NRG1: variants seen among roughly 807,000 people sequenced by gnomAD.
The protein encoded by NRG1 is pro-neuregulin-1, membrane-bound isoform.
A neutral mutation model predicts 63.8 loss-of-function variants in NRG1; 18 were observed. The ratio of observed to expected loss-of-function variants is 0.28; its 90% confidence interval spans 0.19 to 0.42. NRG1 has a LOEUF of 0.42. Among genes scored for constraint, NRG1 ranks in the 10% least tolerant of loss-of-function variants. NRG1 has a pLI of 1.00. For synonymous variants in NRG1, 302 were observed against 301.3 expected (o/e 1.00, Z -0.02); for missense variants, 762 against 814.7 (o/e 0.94, Z 0.79).
intron 1 of NRG1, among the ~76,000 whole-genome samples, chr8:32,512,129 A>G (rs1286416931): frequency 1.3e-5 from 2 of 149,338 alleles, no homozygotes; most frequent in African/African-American, 4.9e-5. Context: ...ATGGTCCTTT[A>G]TGGGGGATGA....
intron 1 of NRG1, among the ~76,000 whole-genome samples, chr8:32,045,919 A>ACG (rs1820923440): frequency 6.6e-6 from 1 of 151,832 alleles, no homozygotes; most frequent in Non-Finnish European, 1.5e-5. Flanking sequence ...AAGAAAATAT[A>ACG]TGTATATATT....
chr8:31,762,899 T>C (rs1817695562), intron 1 of NRG1, among the ~76,000 whole-genome samples: 1 of 152,132 alleles, frequency 6.6e-6, no homozygotes, highest in Non-Finnish European at 1.5e-5. Flanking sequence ...AGAAAAGAAA[T>C]CATGGACCAA....
intron 1 of NRG1, among the ~76,000 whole-genome samples, chr8:31,854,022 TA>T (rs1364501206): frequency 6.7e-6 from 1 of 150,094 alleles, no homozygotes; most frequent in African/African-American, 2.5e-5. Context: ...GCCAGTATTT[TA>T]TTGAGGATTT....
intron 1 of NRG1, among the ~76,000 whole-genome samples, chr8:32,025,915 C>T (rs113232538): frequency 9.4e-5 from 13 of 138,622 alleles, no homozygotes; most frequent in African/African-American, 2.9e-4. Context: ...CGCTGCATTA[C>T]GGCCTGGCCG....
chr8:32,370,624 G>A (rs1194488755), intron 1 of NRG1, among the ~76,000 whole-genome samples: 1 of 152,042 alleles, frequency 6.6e-6, no homozygotes, highest in Non-Finnish European at 1.5e-5. Flanking sequence ...TTGGGAGACC[G>A]AAGCAGGTGG....
Position 31,866,477 on chromosome 8 carries a change from G to T in NRG1, c.37+227046G>T, listed in dbSNP as rs571508262. On this transcript the variant is annotated intron_variant, in intron 1 of 10. Coordinates refer to the NRG1 transcript ENST00000519301. Reference sequence around the variant, plus strand: ...GGGGCAAAGAAGAGGGATACAATTTGTTGACTTTCATTGCTACATTTTTGG... The same window carrying T: ...GGGGCAAAGAAGAGGGATACAATTTTTTGACTTTCATTGCTACATTTTTGG... Among the ~76,000 whole-genome samples, 22 of 152,204 alleles carry T rather than the reference G, an allele frequency of 1.4e-4. No individual in the cohort carries two copies. In the South Asian group the frequency reaches 4.6e-3, roughly 32 times the overall value.
intron 1 of NRG1, among the ~76,000 whole-genome samples, chr8:32,116,932 A>C (rs527398867): frequency 2.5e-4 from 36 of 146,860 alleles, no homozygotes; most frequent in African/African-American, 9.2e-4. Context: ...GTTAGAGCCC[A>C]GGAGTTTGAA....
At chr8:31,988,297 A>G (rs1422529700) in intron 1 of NRG1, among the ~76,000 whole-genome samples, 1 of 152,130 alleles carries the variant, frequency 6.6e-6, no homozygotes, top group Non-Finnish European at 1.5e-5. Context: ...TTCGACCATA[A>G]CTAAAGAGAG....
chr8:32,250,182 T>A (rs1351041810), intron 1 of NRG1, among the ~76,000 whole-genome samples: 1 of 152,158 alleles, frequency 6.6e-6, no homozygotes, highest in African/African-American at 2.4e-5. Flanking sequence ...CTATATGAAA[T>A]GTTTACTGTT....
At chr8:31,732,006 T>A (rs1231170459) in intron 1 of NRG1, among the ~76,000 whole-genome samples, 3 of 152,212 alleles carry the variant, frequency 2.0e-5, no homozygotes, top group African/African-American at 7.2e-5. Flanking sequence ...TAATTCTTCA[T>A]CCTCTTTCTC....
At chr8:32,267,248 T>C (rs1851076934) in intron 1 of NRG1, among the ~76,000 whole-genome samples, 1 of 152,058 alleles carries the variant, frequency 6.6e-6, no homozygotes, top group South Asian at 2.1e-4. Context: ...TAATGTAAAA[T>C]GATGTGTCCC....
At chr8:32,176,284 G>A (rs1405747372) in intron 1 of NRG1, among the ~76,000 whole-genome samples, 6 of 152,164 alleles carry the variant, frequency 3.9e-5, no homozygotes, top group Non-Finnish European at 8.8e-5. Flanking sequence ...TATGTAGAAA[G>A]CTGAAACTGG....
chr8:31,987,739 C>A (rs4352804), intron 1 of NRG1, among the ~76,000 whole-genome samples: 2 of 151,856 alleles, frequency 1.3e-5, no homozygotes, highest in African/African-American at 4.8e-5. Context: ...GCCCCTGAAC[C>A]TAAAAGTTGG....
At chr8:32,450,081 G>A (rs1361199465) in intron 1 of NRG1, among the ~76,000 whole-genome samples, 1 of 152,142 alleles carries the variant, frequency 6.6e-6, no homozygotes, top group Non-Finnish European at 1.5e-5. Flanking sequence ...AACCCGGTGG[G>A]CAGGTAAATA....
At chr8:31,976,134 G>A (rs327417) in intron 1 of NRG1, among the ~76,000 whole-genome samples, 128,883 of 152,182 alleles carry the variant, frequency 0.85, 55,455 homozygotes, top group African/African-American at 0.96. Flanking sequence ...ATTAATATAG[G>A]CGTTTTGAGG....
At chr8:31,739,876 G>T (rs931828242) in intron 1 of NRG1, among the ~76,000 whole-genome samples, 1 of 152,026 alleles carries the variant, frequency 6.6e-6, no homozygotes, top group Non-Finnish European at 1.5e-5. Flanking sequence ...ATAAGGCAAT[G>T]TTTTTACTCA....
At chr8:31,949,777 C>T (rs906191682) in intron 1 of NRG1, among the ~76,000 whole-genome samples, 12 of 152,154 alleles carry the variant, frequency 7.9e-5, no homozygotes, top group Admixed American at 3.3e-4. Context: ...CCTATAGACT[C>T]GAAGTGCATA....
chr8:31,697,413 C>T (rs1352672705), intron 1 of NRG1, among the ~76,000 whole-genome samples: 1 of 152,068 alleles, frequency 6.6e-6, no homozygotes, highest in Non-Finnish European at 1.5e-5. Flanking sequence ...TTGTAGAAAC[C>T]CTAGTAATAG....
intron 1 of NRG1, among the ~76,000 whole-genome samples, chr8:31,994,027 G>A (rs922320183): frequency 1.3e-5 from 2 of 151,888 alleles, no homozygotes; most frequent in Non-Finnish European, 2.9e-5. Flanking sequence ...TGATAGGATG[G>A]GTCAATTTTG....
Sources: gnomAD v4.1 joint callset for allele counts (sites outside exome capture counted in the v4.1 genomes callset) on GRCh38, gnomAD v4.1.1 for gene constraint, MANE v1.5 for transcripts, NCBI Gene and HGNC (gene_info 2026-07-23, HGNC 2026-07-21) for gene names.